Variants in CTDP1 observed in about 807,000 individuals in gnomAD.
The protein encoded by CTDP1 is CTD phosphatase 1.
In CTDP1, 47 loss-of-function variants were observed where a neutral mutation model predicts 91.8. The observed-to-expected ratio is 0.51, with a 90% CI of 0.41 to 0.65. The LOEUF (loss-of-function observed/expected upper bound fraction) is 0.65, where lower values mean the gene tolerates loss of function less well. CTDP1 is among the 30% of genes least tolerant of loss of function. CTDP1 has a pLI of 0.00. For missense variants in CTDP1, 1,272 were observed against 1,373.7 expected (o/e 0.93, Z 1.17); for synonymous variants, 656 against 598.5 (o/e 1.10, Z -1.40).
chr18:79,730,801 G>A (rs1000299449), intron 11 of CTDP1, among the ~76,000 whole-genome samples: 1 of 152,240 alleles, frequency 6.6e-6, no homozygotes, highest in African/African-American at 2.4e-5. Flanking sequence ...TGGAAGATGT[G>A]AGGAAGGGAT....
At chr18:79,700,941 T>C (rs1000364084) in intron 4 of CTDP1, among the ~76,000 whole-genome samples, 2 of 152,220 alleles carry the variant, frequency 1.3e-5, no homozygotes, top group African/African-American at 4.8e-5. Flanking sequence ...CTCCTCTGCC[T>C]GTGCTCCATC....
chr18:79,693,421 C>CACTATT (rs1256996020), intron 1 of CTDP1, among the ~76,000 whole-genome samples: 2 of 152,004 alleles, frequency 1.3e-5, no homozygotes, highest in Non-Finnish European at 2.9e-5. Flanking sequence ...AACAAGGTGT[C>CACTATT]ACTATTTTGT....
At position 79,744,823 on chromosome 18, in the gene CTDP1, GC is replaced by G. The variant is rs368962655; in HGVS notation, c.2747+8306del. On this transcript the variant is annotated intron_variant, in intron 12 of 12. Transcript: ENST00000613122. The stretch of plus-strand genomic sequence containing the variant: ...ATGGGGGGCGTCGTGGGAGGATGCT[GC>G]CCCTGGAGGGGCCACAGACCAGTCC... 7.3e-3 allele frequency among the ~76,000 whole-genome samples: 1,117 copies of G among 152,320 alleles called. 10 individuals carry two copies. Among genetic ancestry groups the G allele is most frequent in the African/African-American group, 0.025 (1,044 of 41,574 alleles).
chr18:79,732,061 C>T (rs1358256198), intron 11 of CTDP1, among the ~76,000 whole-genome samples: 6 of 147,910 alleles, frequency 4.1e-5, no homozygotes, highest in African/African-American at 1.0e-4. Context: ...CATGAGAACT[C>T]GCTAACATCA....
At chr18:79,725,214 T>C (rs1163221443) in intron 10 of CTDP1, among the ~76,000 whole-genome samples, 1 of 152,184 alleles carries the variant, frequency 6.6e-6, no homozygotes, top group African/African-American at 2.4e-5. Context: ...ATGTTGACGT[T>C]GAGGGGCCTG....
chr18:79,748,476 G>A (rs1403174912), intron 12 of CTDP1, among the ~76,000 whole-genome samples: 1 of 152,216 alleles, frequency 6.6e-6, no homozygotes, highest in Non-Finnish European at 1.5e-5. Context: ...CAGCCTCATG[G>A]AAGCCCTGAC....
At position 79,680,221 on chromosome 18, in the gene CTDP1, C is replaced by CGGGAG; in HGVS notation, c.275_279dup (p.Leu94GlyfsTer18). On this transcript the variant is annotated frameshift_variant, in exon 1 of 13. Coordinates refer to ENST00000613122, the MANE Select transcript of CTDP1 (RefSeq NM_004715.5). LOFTEE classifies it high-confidence loss of function. ...GAGGTCGGAGCGCGCGGGCGTGGTG[C>CGGGAG]GGGAGCTGTGCGCGCAGCCGGGCCA... The CGGGAG allele has an allele frequency of 7.4e-7, 1 of 1,360,456 alleles. No homozygotes were observed. The highest frequency in any genetic ancestry group is 1.8e-5 in the South Asian group (1 of 56,090). 84.3% of individuals were successfully genotyped at this position (1,360,456 alleles called of 1,614,324 possible).
At chr18:79,744,912 G>A (rs1384854807) in intron 12 of CTDP1, among the ~76,000 whole-genome samples, 3 of 152,206 alleles carry the variant, frequency 2.0e-5, no homozygotes, top group African/African-American at 7.2e-5. Context: ...GCCAGAGGAC[G>A]CACATCGTGC....
downstream of CTDP1, chr18:79,755,861 T>TG (rs888646499): frequency 1.3e-5 from 2 of 152,400 alleles, no homozygotes; most frequent in African/African-American, 4.8e-5. Context: ...GAGGGTGGCG[T>TG]GGTAGCTGGC....
At chr18:79,678,627 GAGAAAA>G (rs1244842198), upstream of CTDP1, 2 of 152,084 alleles carry the variant, frequency 1.3e-5, no homozygotes, top group Admixed American at 1.3e-4. Flanking sequence ...AGCCTAACAT[GAGAAAA>G]GTCACCATAT....
intron 6 of CTDP1, among the ~76,000 whole-genome samples, chr18:79,712,692 C>T (rs574229501): frequency 2.0e-5 from 3 of 152,314 alleles, no homozygotes; most frequent in South Asian, 2.1e-4. Context: ...AGTTGGGTTT[C>T]GTCCCCGTGG....
At chr18:79,691,243 CTT>C (rs1230762146) in intron 1 of CTDP1, among the ~76,000 whole-genome samples, 28 of 152,216 alleles carry the variant, frequency 1.8e-4, no homozygotes, top group Admixed American at 1.8e-3. Flanking sequence ...CCCGACTCAG[CTT>C]ATAGTCAACT....
At chr18:79,739,190 G>T (rs1482721188) in intron 12 of CTDP1, among the ~76,000 whole-genome samples, 1 of 152,228 alleles carries the variant, frequency 6.6e-6, no homozygotes, top group Non-Finnish European at 1.5e-5. Flanking sequence ...GGTTTAACCT[G>T]ATAGTTTTTT....
At chr18:79,748,181 T>C (rs3933772) in intron 12 of CTDP1, among the ~76,000 whole-genome samples, 70,770 of 152,064 alleles carry the variant, frequency 0.47, 16,712 homozygotes, top group East Asian at 0.58. Flanking sequence ...CTAACCATAG[T>C]CTGCAGCTGT....
At chr18:79,695,951 C>A in intron 2 of CTDP1, 26 bp from the exon 3 acceptor site, 1 of 1,601,296 alleles carries the variant, frequency 6.2e-7, no homozygotes. Flanking sequence ...CAGCTGAAAG[C>A]CCTGAACCTG....
intron 11 of CTDP1, among the ~76,000 whole-genome samples, chr18:79,734,023 A>G (rs1043172443): frequency 6.6e-6 from 1 of 152,240 alleles, no homozygotes; most frequent in African/African-American, 2.4e-5. Context: ...CAACTTTACA[A>G]TAGTTCGCTT....
chr18:79,746,210 T>TCCCCGCGTCCCTCCCGTGCGCGTTGTGA (rs2122864577), intron 12 of CTDP1, among the ~76,000 whole-genome samples: 1 of 26,462 alleles, frequency 3.8e-5, no homozygotes, highest in Admixed American at 3.2e-4. Context: ...GCGGGTTCTG[T>TCCCCGCGTCCCTCCCGTGCGCGTTGTGA]CCCCGCGTCC....
chr18:79,731,453 G>GA (rs1305424624), intron 11 of CTDP1, among the ~76,000 whole-genome samples: 4 of 152,194 alleles, frequency 2.6e-5, no homozygotes, highest in Non-Finnish European at 5.9e-5. Context: ...GAGCAGCTTT[G>GA]GGAACTCGCG....
chr18:79,726,103 C>T (rs2086439005), intron 10 of CTDP1, among the ~76,000 whole-genome samples: 1 of 152,248 alleles, frequency 6.6e-6, no homozygotes, highest in South Asian at 2.1e-4. Flanking sequence ...GCCATCTCTG[C>T]CATGCTGGGA....
Sources: allele counts gnomAD v4.1 joint callset (sites outside exome capture counted in the v4.1 genomes callset), GRCh38; gene constraint gnomAD v4.1.1; transcripts MANE v1.5; gene names NCBI Gene and HGNC (gene_info 2026-07-23, HGNC 2026-07-21).